GRIK4: variants seen among roughly 807,000 people sequenced by gnomAD.
The protein encoded by GRIK4 is glutamate ionotropic receptor kainate type subunit 4, also known as glutamate receptor ionotropic, kainate 4.
Under a neutral mutation model 104.9 loss-of-function variants are expected in GRIK4, and 40 were observed. The ratio of observed to expected loss-of-function variants is 0.38; its 90% CI spans 0.30 to 0.50. The LOEUF is 0.50. Ranked by LOEUF, GRIK4 falls within the 20% of genes least tolerant of loss-of-function variation. The pLI is 0.93. For missense variants in GRIK4, 1,047 were observed against 1,308.1 expected, an observed-to-expected ratio of 0.80 and a Z score of 3.08; for synonymous variants, 485 against 524.9, an observed-to-expected ratio of 0.92 and a Z score of 1.04.
intron 14 of GRIK4, among the ~76,000 whole-genome samples, chr11:120,951,310 C>T (rs919580168): frequency 6.6e-5 from 10 of 152,334 alleles, no homozygotes; most frequent in Non-Finnish European, 1.5e-4. Flanking sequence ...TGTCTCCTCC[C>T]ACCTGCCTCA....
intron 1 of GRIK4, among the ~76,000 whole-genome samples, chr11:120,536,732 C>T (rs927744474): frequency 2.0e-5 from 3 of 152,150 alleles, no homozygotes; most frequent in African/African-American, 7.2e-5. Flanking sequence ...GCTACCCTAC[C>T]GGATGAGTGG....
chr11:120,775,145 T>A (rs1445609832), intron 3 of GRIK4, among the ~76,000 whole-genome samples: 1 of 152,222 alleles, frequency 6.6e-6, no homozygotes, highest in Non-Finnish European at 1.5e-5. Context: ...TGGCTCCTTC[T>A]TGTCCACTGT....
intron 1 of GRIK4, among the ~76,000 whole-genome samples, chr11:120,527,412 C>T (rs1469831552): frequency 1.3e-5 from 2 of 152,218 alleles, no homozygotes; most frequent in African/African-American, 4.8e-5. Flanking sequence ...GTTAAAACCC[C>T]TCAGGGCAGA....
intron 1 of GRIK4, among the ~76,000 whole-genome samples, chr11:120,643,719 C>T (rs561685338): frequency 3.4e-4 from 52 of 152,280 alleles, no homozygotes; most frequent in Admixed American, 1.8e-3. Flanking sequence ...TGAAGGAGGG[C>T]TCTGACCCGT....
chr11:120,761,789 T>C (rs1456862132), intron 3 of GRIK4, among the ~76,000 whole-genome samples: 2 of 151,490 alleles, frequency 1.3e-5, no homozygotes, highest in Non-Finnish European at 2.9e-5. Context: ...GAGGCCTCTG[T>C]TCTGTTCCAT....
At chr11:120,932,661 G>A (rs1052517722) in intron 13 of GRIK4, among the ~76,000 whole-genome samples, 13 of 152,250 alleles carry the variant, frequency 8.5e-5, no homozygotes, top group East Asian at 3.9e-4. Context: ...TCTGGGTAGC[G>A]TTTTCTCATC....
intron 3 of GRIK4, among the ~76,000 whole-genome samples, chr11:120,701,055 A>G (rs1384731386): frequency 1.3e-5 from 2 of 152,200 alleles, no homozygotes; most frequent in Non-Finnish European, 2.9e-5. Flanking sequence ...TAGGTGTAGG[A>G]GGCTATACCA....
intron 3 of GRIK4, among the ~76,000 whole-genome samples, chr11:120,753,315 G>GTGTGTGTGTA (rs1555055623): frequency 1.2e-5 from 1 of 84,062 alleles, no homozygotes; most frequent in African/African-American, 4.6e-5. Flanking sequence ...GTGTGTGTGT[G>GTGTGTGTGTA]TGTGTGTGTG....
At chr11:120,977,562 T>C (rs1944581985) in intron 19 of GRIK4, among the ~76,000 whole-genome samples, 1 of 152,218 alleles carries the variant, frequency 6.6e-6, no homozygotes, top group African/African-American at 2.4e-5. Context: ...AGCAATCTAT[T>C]CTTGCTTCCT....
intron 3 of GRIK4, among the ~76,000 whole-genome samples, chr11:120,708,239 A>G (rs1256347129): frequency 1.3e-5 from 2 of 152,192 alleles, no homozygotes; most frequent in Non-Finnish European, 2.9e-5. Context: ...GAAGAAGTGA[A>G]TCTTGCCATG....
rs115168165 is a variant in GRIK4 at position 120,701,374 on chromosome 11, A to G, written c.82+40974A>G. 6.8e-3 allele frequency among the ~76,000 whole-genome samples: 1,033 copies of G among 152,246 alleles called. 11 individuals are homozygous for G. Among genetic ancestry groups the G allele is most frequent in the African/African-American group, 0.023 (948 of 41,526 alleles). The stretch of plus-strand genomic sequence containing the variant: ...TTCCACATTTAAGTGAGATCATGCA[A>G]TATTTCTCTTTCTGTGTCTAGCTTA... On this transcript the variant is annotated intron_variant, in intron 3 of 20. Coordinates refer to ENST00000527524, the MANE Select transcript of GRIK4 (RefSeq NM_014619.5).
chr11:120,983,413 A>G (rs2134805485), intron 20 of GRIK4, among the ~76,000 whole-genome samples: 1 of 152,224 alleles, frequency 6.6e-6, no homozygotes, highest in Non-Finnish European at 1.5e-5. Flanking sequence ...CGAAAGGCCG[A>G]TGCTTAAAGG....
chr11:120,736,007 G>A (rs1318518266), intron 3 of GRIK4, among the ~76,000 whole-genome samples: 1 of 152,104 alleles, frequency 6.6e-6, no homozygotes, highest in African/African-American at 2.4e-5. Context: ...GATCCCAAGA[G>A]CCTGTTTGGT....
At chr11:120,751,554 C>G (rs1054736791) in intron 3 of GRIK4, among the ~76,000 whole-genome samples, 1 of 152,176 alleles carries the variant, frequency 6.6e-6, no homozygotes, top group African/African-American at 2.4e-5. Context: ...GAGCCCCTCC[C>G]TGCCAGGCTC....
intron 1 of GRIK4, among the ~76,000 whole-genome samples, chr11:120,585,421 C>G (rs577490760): frequency 2.0e-5 from 3 of 151,682 alleles, no homozygotes; most frequent in East Asian, 3.9e-4. Context: ...CCTATCTCAG[C>G]TCACTGCAAC....
intron 3 of GRIK4, among the ~76,000 whole-genome samples, chr11:120,733,658 C>T (rs1170030079): frequency 6.6e-6 from 1 of 151,076 alleles, no homozygotes; most frequent in Non-Finnish European, 1.5e-5. Context: ...TTTTGTTTCT[C>T]TTTATGTCAT....
intron 3 of GRIK4, among the ~76,000 whole-genome samples, chr11:120,791,739 C>A (rs1952398415): frequency 6.6e-6 from 1 of 152,034 alleles, no homozygotes; most frequent in African/African-American, 2.4e-5. Context: ...TGTCTATGGT[C>A]CATTTTTTTT....
At chr11:120,659,699 T>A (rs373339840) in intron 2 of GRIK4, among the ~76,000 whole-genome samples, 168 of 152,306 alleles carry the variant, frequency 1.1e-3, no homozygotes, top group African/African-American at 3.8e-3. Context: ...CCTCTTCTGC[T>A]CACCCATGGC....
chr11:120,817,630 A>G (rs1952995341), intron 5 of GRIK4, among the ~76,000 whole-genome samples: 1 of 151,692 alleles, frequency 6.6e-6, no homozygotes, highest in African/African-American at 2.4e-5. Flanking sequence ...TCCCCCACAC[A>G]CCTCCGTGAT....
Sources: gnomAD v4.1 joint callset for allele counts (sites outside exome capture counted in the v4.1 genomes callset) on GRCh38, gnomAD v4.1.1 for gene constraint, MANE v1.5 for transcripts, NCBI Gene and HGNC (gene_info 2026-07-23, HGNC 2026-07-21) for gene names.